Variants in BPIFB4 observed in about 807,000 individuals in gnomAD.
The protein encoded by BPIFB4 is BPI fold-containing family B member 4.
In BPIFB4, 62 loss-of-function variants were observed where a neutral mutation model predicts 69.2. The ratio of observed to expected loss-of-function variants is 0.90; its 90% CI spans 0.73 to 1.11. The LOEUF (loss-of-function observed/expected upper bound fraction) is 1.11. Among genes scored for constraint, BPIFB4 ranks in the 50% least tolerant of loss-of-function variants. BPIFB4 has a pLI of 0.00. For synonymous variants in BPIFB4, 330 were observed against 332.7 expected (o/e 0.99, Z 0.09); for missense variants, 789 against 792.0 (o/e 1.00, Z 0.04).
chr20:33,094,710 G>C (rs1278956266), intron 11 of BPIFB4, among the ~76,000 whole-genome samples: 1 of 152,040 alleles, frequency 6.6e-6, no homozygotes, highest in Non-Finnish European at 1.5e-5. Context: ...TTTTCACCAT[G>C]TTGGCCAGGC....
intron 14 of BPIFB4, among the ~76,000 whole-genome samples, chr20:33,101,146 A>G (rs1981897899): frequency 6.6e-6 from 1 of 152,148 alleles, no homozygotes; most frequent in South Asian, 2.1e-4. Context: ...AAGTGTACGT[A>G]TTATCTTGTT....
At chr20:33,084,201 C>T (rs2146403050) in intron 5 of BPIFB4, among the ~76,000 whole-genome samples, 1 of 152,320 alleles carries the variant, frequency 6.6e-6, no homozygotes, top group African/African-American at 2.4e-5. Context: ...GATTTAAAAA[C>T]TATACATATA....
At chr20:33,084,843 G>T (rs767443160) in intron 5 of BPIFB4, 49 bp from the exon 6 acceptor site, 5 of 1,586,920 alleles carry the variant, frequency 3.2e-6, no homozygotes, top group Non-Finnish European at 4.3e-6. Flanking sequence ...CGGGTGAGTG[G>T]GTGGTAGTTG....
At chr20:33,097,461 GC>G (rs748792143) in intron 12 of BPIFB4, among the ~76,000 whole-genome samples, 155 bp from the exon 13 acceptor site, 4 of 152,166 alleles carry the variant, frequency 2.6e-5, no homozygotes, top group African/African-American at 7.2e-5. Flanking sequence ...GCAGCTCCTT[GC>G]CCAGTTCTCA....
rs2146411613 is a variant in BPIFB4 at position 33,097,652 on chromosome 20, C to A, written c.1434C>A (p.Ile478=). 1 of 1,614,160 alleles carries A rather than the reference C, an allele frequency of 6.2e-7. No individual in the cohort carries two copies. Among genetic ancestry groups the A allele is most frequent in the Non-Finnish European group, 8.5e-7 (1 of 1,179,972 alleles). ...AGTACCCCGAGTCCTGCCCACTTAT[C>A]ATCAGGATCCAGGTGCTGAACCCAC... The part of the protein sequence containing the change: ...FQQYPESCPL[I]IRIQVLNPPS... Residue 478 remains isoleucine (I), a synonymous_variant, in exon 13 of 18, where the codon ATC becomes ATA. Transcript: ENST00000375483.
chr20:33,091,871 G>A (rs897136211), intron 10 of BPIFB4, among the ~76,000 whole-genome samples: 3 of 152,216 alleles, frequency 2.0e-5, no homozygotes, highest in Non-Finnish European at 2.9e-5. Context: ...TAAAGCAGGG[G>A]GTGTATGATC....
intron 16 of BPIFB4, among the ~76,000 whole-genome samples, chr20:33,107,188 A>G (rs1269863984): frequency 6.6e-6 from 1 of 150,752 alleles, no homozygotes; most frequent in East Asian, 1.9e-4. Flanking sequence ...GGGGCAACAG[A>G]GCAAGACTCA....
intron 12 of BPIFB4, 91 bp downstream of exon 12, chr20:33,095,244 G>T: frequency 2.9e-6 from 4 of 1,375,946 alleles, no homozygotes; most frequent in Non-Finnish European, 4.1e-6. Context: ...TCAGCGCTGG[G>T]GTGGGGTGCT....
At chr20:33,105,462 T>C (rs1426012425) in intron 16 of BPIFB4, among the ~76,000 whole-genome samples, 1 of 152,168 alleles carries the variant, frequency 6.6e-6, no homozygotes, top group Admixed American at 6.5e-5. Context: ...TGCCCAACTT[T>C]ATAAACAGAG....
intron 7 of BPIFB4, 38 bp from the exon 8 acceptor site, chr20:33,088,928 C>T (rs1360784417): frequency 1.9e-6 from 3 of 1,612,444 alleles, no homozygotes; most frequent in Admixed American, 1.7e-5. Flanking sequence ...CCCCACATGG[C>T]TGCGAGCCTT....
In BPIFB4 at chr20:33,083,521, C is replaced by T. The variant is rs763484342; in HGVS notation, c.324C>T (p.Ile108=). ...GGGGCAAATACCGATATGGTGAGAT[C>T]CTTGAGTCCGAGGGAAGCATCAGGG... The part of the protein sequence containing the change: ...QLGGKYRYGE[I]LESEGSIRDL... The change falls in exon 5 of 18, where the codon ATC becomes ATT. Residue 108 remains isoleucine, a synonymous_variant. Coordinates refer to ENST00000375483, the MANE Select transcript of BPIFB4 (RefSeq NM_182519.3). 5.6e-6 allele frequency: 9 copies of T among 1,613,918 alleles called. No homozygotes were observed. Among genetic ancestry groups the T allele is most frequent in the Admixed American group, 1.7e-5 (1 of 60,008 alleles).
rs2424943 is a variant in BPIFB4 at position 33,083,813 on chromosome 20, G to T, written c.616G>T (p.Gly206Trp). 159,029 of 1,613,494 alleles carry T rather than the reference G, an allele frequency of 0.099. 8,458 individuals carry two copies. Among genetic ancestry groups the T allele is most frequent in the Non-Finnish European group, 0.11 (129,219 of 1,179,630 alleles). The change falls in exon 5 of 18, where the codon GGG becomes TGG. Residue 206 changes from glycine to tryptophan, a missense_variant. By Grantham distance (184) the Gly-to-Trp change is radical (BLOSUM62 -2). Around this residue, in one of 3 missense-constraint regions of BPIFB4, gnomAD observed 611 missense variants for 575.4 expected, o/e 1.06. Coordinates refer to ENST00000375483, the MANE Select transcript of BPIFB4 (RefSeq NM_182519.3). Reference sequence around the variant, plus strand: ...TGGTGATGGAGGACTTCTTGGAGGAGGGGGTGTCCTGGGCGTGCTCGGCGA... The same window carrying T: ...TGGTGATGGAGGACTTCTTGGAGGATGGGGTGTCCTGGGCGTGCTCGGCGA... ...LLGDGGLLGG[G>W]GVLGVLGEGG...
chr20:33,107,705 T>G (rs762043229), intron 16 of BPIFB4, 39 bp from the exon 17 acceptor site: 1 of 1,520,018 alleles, frequency 6.6e-7, no homozygotes, highest in Non-Finnish European at 9.1e-7. Flanking sequence ...CAACACCTCT[T>G]GGACCACTGA....
At chr20:33,091,097 T>G (rs1981586762) in intron 10 of BPIFB4, among the ~76,000 whole-genome samples, 1 of 152,070 alleles carries the variant, frequency 6.6e-6, no homozygotes, top group Admixed American at 6.5e-5. Context: ...CACAGAAAGG[T>G]TAAATCACTT....
At position 33,102,955 on chromosome 20, in the gene BPIFB4, G is replaced by A. The variant is rs1981946467; in HGVS notation, c.1638-17G>A. ...AGGCAATCCCTGCTTCTCACAGGCT[G>A]TTTTCTTCGTCTACAGGACCAGCCT... On this transcript the variant is annotated splice_polypyrimidine_tract_variant and intron_variant, in intron 14 of 17. Coordinates refer to ENST00000375483, the MANE Select transcript of BPIFB4 (RefSeq NM_182519.3). The A allele has an allele frequency of 6.2e-7, 1 of 1,613,822 alleles. No individual in the cohort carries two copies. The highest frequency in any genetic ancestry group is 2.2e-5 in the East Asian group (1 of 44,886).
At position 33,097,851 on chromosome 20, in the gene BPIFB4, G is replaced by A. The variant is rs1272059001; in HGVS notation, c.1569+64G>A. 2.7e-6 allele frequency: 4 copies of A among 1,477,224 alleles called. No homozygotes were observed. The East Asian group carries it at 9.8e-5, about 36-fold the overall frequency. 91.5% of individuals were successfully genotyped at this position (1,477,224 alleles called of 1,614,324 possible). ...TCAAGACAGAGCCACATGGTCTCCT[G>A]GAGCCCAAAGACCCCTTCAAATCCC... On this transcript the variant is annotated intron_variant, in intron 13 of 17. Transcript: ENST00000375483.
At chr20:33,106,304 G>C (rs571852531) in intron 16 of BPIFB4, among the ~76,000 whole-genome samples, 1 of 151,950 alleles carries the variant, frequency 6.6e-6, no homozygotes, top group African/African-American at 2.4e-5. Context: ...TACTTCACTC[G>C]GCAAACATTT....
Position 33,085,891 on chromosome 20 carries a change from G to T in BPIFB4, c.783-130G>T, listed in dbSNP as rs568754136. 526 of 1,126,432 alleles carry T rather than the reference G, an allele frequency of 4.7e-4. No homozygotes were observed. The African/African-American group carries it at 7.2e-3, about 15-fold the overall frequency. The allele number at this position is 1,126,432 out of a possible 1,614,324, so 69.8% of individuals were successfully genotyped here. On this transcript the variant is annotated intron_variant, in intron 6 of 17. Transcript: ENST00000375483. ...CTTGAGGGACCAGGGAAGAGTTCTG[G>T]GTTGGGTTCCTTAGAGATGAGCAAG...
intron 17 of BPIFB4, among the ~76,000 whole-genome samples, chr20:33,108,423 C>A (rs6119323): frequency 1.5e-4 from 19 of 125,692 alleles, no homozygotes; most frequent in Admixed American, 2.6e-4. Context: ...ATATATATGT[C>A]TATATATATA....
Sources: allele counts gnomAD v4.1 joint callset (sites outside exome capture counted in the v4.1 genomes callset), GRCh38; gene constraint gnomAD v4.1.1; regional missense constraint gnomAD v4.1.1; transcripts MANE v1.5; gene names NCBI Gene and HGNC (gene_info 2026-07-23, HGNC 2026-07-21).